Variants in DHRSX observed in about 807,000 individuals in gnomAD.
DHRSX encodes the protein polyprenol dehydrogenase.
DHRSX carries 31 observed loss-of-function variants against 34.0 expected under a neutral mutation model. That is an observed-to-expected ratio of 0.91 (90% CI 0.69 to 1.23). The LOEUF (loss-of-function observed/expected upper bound fraction) is 1.23. Ranked by LOEUF, DHRSX falls within the 50% of genes most tolerant of loss-of-function variation. The pLI is 0.00. For missense variants in DHRSX, 414 were observed against 428.1 expected (o/e 0.97, Z 0.29); for synonymous variants, 201 against 183.8 (o/e 1.09, Z -0.76).
At chrX:2,384,681 A>G (rs938053855) in intron 3 of DHRSX, among the ~76,000 whole-genome samples, 7 of 148,712 alleles carry the variant, frequency 4.7e-5, no homozygotes, top group African/African-American at 9.9e-5. Flanking sequence ...GCAAGAAGCA[A>G]GCTTATTTGG....
intron 6 of DHRSX, among the ~76,000 whole-genome samples, chrX:2,225,083 A>C (rs1267185558): frequency 1.4e-5 from 2 of 142,248 alleles, no homozygotes; most frequent in East Asian, 4.1e-4. Context: ...TCACATGCTC[A>C]CTCATTCACA....
At chrX:2,424,692 C>A (rs554404029) in intron 2 of DHRSX, among the ~76,000 whole-genome samples, 3 of 152,172 alleles carry the variant, frequency 2.0e-5, no homozygotes, top group Non-Finnish European at 2.9e-5. Flanking sequence ...GAATATATAT[C>A]TACTTCCAAA....
At chrX:2,389,101 C>A (rs1418920788) in intron 3 of DHRSX, among the ~76,000 whole-genome samples, 1 of 152,230 alleles carries the variant, frequency 6.6e-6, no homozygotes, top group Non-Finnish European at 1.5e-5. Context: ...AAGACGAATA[C>A]ACGGACCAGA....
chrX:2,490,735 G>C (rs773910165), intron 1 of DHRSX: 3 of 1,605,896 alleles, frequency 1.9e-6, no homozygotes, highest in Non-Finnish European at 2.6e-6. Flanking sequence ...CTCCACCGGA[G>C]CCTGCCTGCT....
chrX:2,298,638 G>GCACACACACACACAC (rs1569485218), intron 3 of DHRSX, among the ~76,000 whole-genome samples: 1 of 103,356 alleles, frequency 9.7e-6, no homozygotes, highest in African/African-American at 7.5e-5. Flanking sequence ...ACACACACAC[G>GCACACACACACACAC]AGGTCTTATT....
chrX:2,268,779 T>C (rs1269464373), intron 4 of DHRSX, among the ~76,000 whole-genome samples: 1 of 152,270 alleles, frequency 6.6e-6, no homozygotes, highest in African/African-American at 2.4e-5. Context: ...CAATCGCAAG[T>C]ATTTGCATGT....
At chrX:2,282,858 A>G in intron 4 of DHRSX, among the ~76,000 whole-genome samples, 1 of 112,190 alleles carries the variant, frequency 8.9e-6, no homozygotes, top group Non-Finnish European at 1.8e-5. Context: ...GAGAAGGGAG[A>G]AGGGGAGAGA....
At chrX:2,481,970 A>G (rs1324277107) in intron 1 of DHRSX, among the ~76,000 whole-genome samples, 1 of 151,774 alleles carries the variant, frequency 6.6e-6, no homozygotes, top group Non-Finnish European at 1.5e-5. Context: ...ATCTTTTTAA[A>G]TTTATTTTGG....
intron 3 of DHRSX, among the ~76,000 whole-genome samples, chrX:2,314,262 A>AGGGAG (rs2042202744): frequency 1.1e-4 from 1 of 8,822 alleles, no homozygotes; most frequent in Non-Finnish European, 2.1e-4. Context: ...GAAGGAGGGA[A>AGGGAG]TGAAGGAGGG....
intron 4 of DHRSX, among the ~76,000 whole-genome samples, chrX:2,271,727 GA>G (rs1163558717): frequency 6.6e-6 from 1 of 152,104 alleles, no homozygotes; most frequent in Non-Finnish European, 1.5e-5. Context: ...AAGTATGTCA[GA>G]ATTCACCTCA....
chrX:2,454,608 A>T (rs1227011774), intron 1 of DHRSX, among the ~76,000 whole-genome samples: 1 of 152,058 alleles, frequency 6.6e-6, no homozygotes, highest in Non-Finnish European at 1.5e-5. Flanking sequence ...AGGCACCCCA[A>T]AAATTCCCAA....
intron 1 of DHRSX, among the ~76,000 whole-genome samples, chrX:2,492,597 C>A (rs183077022): frequency 3.0e-4 from 45 of 151,520 alleles, no homozygotes; most frequent in Non-Finnish European, 7.4e-5. Context: ...TTTGAGTGAG[C>A]CCTAAATGCA....
intron 4 of DHRSX, among the ~76,000 whole-genome samples, chrX:2,274,542 A>G (rs917021432): frequency 2.0e-5 from 3 of 151,008 alleles, no homozygotes; most frequent in East Asian, 1.9e-4. Context: ...TCAGCCTCCC[A>G]AGTAGCTGGG....
intron 5 of DHRSX, among the ~76,000 whole-genome samples, chrX:2,254,716 G>T (rs1202923269): frequency 6.6e-6 from 1 of 151,624 alleles, no homozygotes; most frequent in Admixed American, 6.6e-5. Context: ...GTGCGATCTC[G>T]GCTCACTGCA....
intron 3 of DHRSX, among the ~76,000 whole-genome samples, chrX:2,320,602 G>A (rs966310708): frequency 2.7e-4 from 11 of 40,972 alleles, no homozygotes; most frequent in Non-Finnish European, 5.3e-5. Context: ...GGCCCTGCAA[G>A]TCTGTTTTGA....
intron 5 of DHRSX, among the ~76,000 whole-genome samples, chrX:2,265,623 A>C (rs74388469): frequency 0.011 from 414 of 38,272 alleles, no homozygotes; most frequent in Middle Eastern, 0.02. Context: ...GGAGCACTGT[A>C]CCCAGAGCAC....
At chrX:2,498,713 A>G (rs1002444502) in intron 1 of DHRSX, among the ~76,000 whole-genome samples, 33 of 151,956 alleles carry the variant, frequency 2.2e-4, no homozygotes, top group Non-Finnish European at 4.0e-4. Flanking sequence ...GAGCTGCTGC[A>G]GGAACCCCGG....
intron 1 of DHRSX, among the ~76,000 whole-genome samples, chrX:2,438,163 C>T (rs1359037747): frequency 7.6e-6 from 1 of 130,800 alleles, no homozygotes; most frequent in Admixed American, 8.5e-5. Context: ...GGTGACAGAG[C>T]GAGACTCCAT....
chrX:2,234,217 G>T (rs762807014), intron 6 of DHRSX, among the ~76,000 whole-genome samples: 24 of 138,156 alleles, frequency 1.7e-4, no homozygotes, highest in African/African-American at 6.7e-4. Flanking sequence ...CCATACACAT[G>T]CATTCTGCAG....
Sources: allele counts gnomAD v4.1 joint callset (sites outside exome capture counted in the v4.1 genomes callset), GRCh38; gene constraint gnomAD v4.1.1; transcripts MANE v1.5; gene names NCBI Gene and HGNC (gene_info 2026-07-23, HGNC 2026-07-21).